The following PPFIBP2 variants were observed in gnomAD, a reference collection of about 807,000 sequenced individuals.
PPFIBP2 encodes PPFIB scaffold protein 2.
Under a neutral mutation model 118.3 loss-of-function variants are expected in PPFIBP2, and 118 were observed. That is an observed-to-expected ratio of 1.00 (90% CI 0.86 to 1.16). The LOEUF (loss-of-function observed/expected upper bound fraction) is 1.16, where lower values mean the gene tolerates loss of function less well. Among genes scored for constraint, PPFIBP2 ranks in the 50% most tolerant of loss-of-function variants. The probability of loss-of-function intolerance (pLI) is 0.00; values close to 1 mark genes in which losing one functional copy is unlikely to be tolerated. For missense variants in PPFIBP2, 1,195 were observed against 1,073.1 expected, an observed-to-expected ratio of 1.11 and a Z score of -1.59; for synonymous variants, 414 against 397.4, an observed-to-expected ratio of 1.04 and a Z score of -0.50.
At chr11:7,665,286 G>C in the PPFIBP2 span, 3 of 1,208,778 alleles carry the variant, frequency 2.5e-6, no homozygotes, top group Non-Finnish European at 3.4e-6. Flanking sequence ...AGGCACTTTT[G>C]AAAACATCCC....
chr11:7,622,785 C>A (rs1216000994), intron 7 of PPFIBP2, among the ~76,000 whole-genome samples: 1 of 152,212 alleles, frequency 6.6e-6, no homozygotes, highest in Non-Finnish European at 1.5e-5. Flanking sequence ...TAGCTCAGAA[C>A]CTTCCATCAC....
rs144112599 is a variant in PPFIBP2 at position 7,605,093 on chromosome 11, T to C, written c.487-5198T>C. 3.2e-3 allele frequency among the ~76,000 whole-genome samples: 488 copies of C among 152,346 alleles called. 3 individuals carry two copies. Among genetic ancestry groups the C allele is most frequent in the African/African-American group, 0.011 (470 of 41,576 alleles). ...TATCCTTTGATGGGTACTTTTTATG[T>C]GCACCTGGAAGTATTCTGAACTAGG... On this transcript the variant is annotated intron_variant, in intron 5 of 23. Coordinates refer to ENST00000299492, the MANE Select transcript of PPFIBP2 (RefSeq NM_003621.5).
At chr11:7,605,651 G>A in intron 5 of PPFIBP2, 2 of 1,153,918 alleles carry the variant, frequency 1.7e-6, no homozygotes, top group Non-Finnish European at 2.2e-6. Context: ...CTCACCTCAA[G>A]GTACAGAGTT....
At chr11:7,577,767 C>T in intron 3 of PPFIBP2, 1 of 416,408 alleles carries the variant, frequency 2.4e-6, no homozygotes, top group Non-Finnish European at 4.8e-6. Context: ...CCTGCTGTGG[C>T]CAAGTTCTTC....
At chr11:7,657,006 G>A (rs751518625), downstream of PPFIBP2, 12 of 356,654 alleles carry the variant, frequency 3.4e-5, no homozygotes, top group East Asian at 5.9e-4. Context: ...ACCATGCTGC[G>A]CTCTTCACCG....
In PPFIBP2 at chr11:7,616,693, G is replaced by A. The variant is rs1848689707; in HGVS notation, c.619-4242G>A. Among the ~76,000 whole-genome samples the A allele has an allele frequency of 6.6e-6, 1 of 152,110 alleles. No individual in the cohort carries two copies. The highest frequency in any genetic ancestry group is 2.4e-5 in the African/African-American group (1 of 41,432). ...GTGTGCCATATGTCCCCTGTGCATAGGTGCTGACACGTTGGGTGTTTGGGT... is the reference window on the plus strand; with the variant it reads ...GTGTGCCATATGTCCCCTGTGCATAAGTGCTGACACGTTGGGTGTTTGGGT... On this transcript the variant is annotated intron_variant, in intron 6 of 23. Coordinates refer to ENST00000299492, the MANE Select transcript of PPFIBP2 (RefSeq NM_003621.5). This position sits in a 1 kb window ranked among gnomAD's most constrained non-coding sequence, Gnocchi z 5.2.
At chr11:7,664,709 G>A in the PPFIBP2 span, among the ~76,000 whole-genome samples, 117 of 152,236 alleles carry the variant, frequency 7.7e-4, 2 homozygotes, top group Non-Finnish European at 7.4e-5. Flanking sequence ...AGTGTGTCCT[G>A]GAGAGATGGG....
In PPFIBP2 at chr11:7,632,854, G is replaced by A. The variant is rs527956153; in HGVS notation, c.1069-13G>A. On this transcript the variant is annotated splice_polypyrimidine_tract_variant and intron_variant, in intron 11 of 23. Transcript: ENST00000299492. ...GACTGTCCTCTACCGTGACTCTTCTGTCTCTGGTGCAGATGCCTCCAAGAT... is the reference window on the plus strand; with the variant it reads ...GACTGTCCTCTACCGTGACTCTTCTATCTCTGGTGCAGATGCCTCCAAGAT... The A allele has an allele frequency of 1.9e-6, 3 of 1,609,550 alleles. No homozygotes were observed. The highest frequency in any genetic ancestry group is 2.2e-5 in the East Asian group (1 of 44,836).
At chr11:7,655,591 G>C, downstream of PPFIBP2, 1 of 1,039,264 alleles carries the variant, frequency 9.6e-7, no homozygotes, top group Non-Finnish European at 1.3e-6. Context: ...AAGGCCTGGG[G>C]GACGGCGAAG....
At chr11:7,663,777 C>G in the PPFIBP2 span, among the ~76,000 whole-genome samples, 3 of 152,112 alleles carry the variant, frequency 2.0e-5, no homozygotes, top group South Asian at 2.1e-4. Context: ...TGATCTCAGA[C>G]TGCTGTGCTA....
intron 6 of PPFIBP2, among the ~76,000 whole-genome samples, chr11:7,617,874 GT>G (rs1483641032): frequency 6.6e-6 from 1 of 152,060 alleles, no homozygotes; most frequent in African/African-American, 2.4e-5. Flanking sequence ...ACAGGGCCAT[GT>G]GGGGCTCTAT....
the PPFIBP2 span, chr11:7,666,015 G>T: frequency 2.9e-5 from 31 of 1,079,354 alleles, no homozygotes; most frequent in Non-Finnish European, 4.0e-5. Context: ...AGTGGTTGCT[G>T]GGATGCTGTC....
At chr11:7,610,196 A>C (rs1287927506) in intron 5 of PPFIBP2, 95 bp from the exon 6 acceptor site, 2 of 1,437,212 alleles carry the variant, frequency 1.4e-6, no homozygotes, top group East Asian at 2.3e-5. Flanking sequence ...TGTTGAACAC[A>C]CAACTTAGGT....
chr11:7,572,968 C>T (rs185968552), intron 3 of PPFIBP2, among the ~76,000 whole-genome samples: 136 of 152,264 alleles, frequency 8.9e-4, no homozygotes, highest in African/African-American at 2.8e-3. Context: ...TTCGTAGAGA[C>T]GGTGTTTCAC....
chr11:7,577,341 G>GCA, intron 3 of PPFIBP2: 1 of 337,204 alleles, frequency 3.0e-6, no homozygotes, highest in Non-Finnish European at 5.9e-6. Context: ...GTGTGTGTGT[G>GCA]TGTGTGTGTG....
intron 2 of PPFIBP2, among the ~76,000 whole-genome samples, chr11:7,563,461 T>C (rs1854581250): frequency 1.3e-5 from 2 of 152,204 alleles, no homozygotes; most frequent in Admixed American, 1.3e-4. Context: ...TGGATGGTGA[T>C]CCATGATTCC....
At chr11:7,656,275 C>T (rs1854679924), downstream of PPFIBP2, among the ~76,000 whole-genome samples, 1 of 152,186 alleles carries the variant, frequency 6.6e-6, no homozygotes, top group Non-Finnish European at 1.5e-5. Flanking sequence ...GCTATAGTGT[C>T]TGTCCCCATC....
intron 2 of PPFIBP2, among the ~76,000 whole-genome samples, chr11:7,565,016 A>G (rs4132104): frequency 0.22 from 24,874 of 113,528 alleles, 2,604 homozygotes; most frequent in Non-Finnish European, 0.3. Context: ...TGACTTTAAT[A>G]TAAAGAAAAA....
chr11:7,562,837 CTT>C (rs1210863503), intron 2 of PPFIBP2, among the ~76,000 whole-genome samples: 2 of 149,198 alleles, frequency 1.3e-5, no homozygotes, highest in African/African-American at 4.9e-5. Flanking sequence ...AAATATTTAT[CTT>C]TTCACTTCCC....
Sources: allele counts gnomAD v4.1 joint callset (sites outside exome capture counted in the v4.1 genomes callset), GRCh38; gene constraint gnomAD v4.1.1; non-coding constraint Gnocchi (gnomAD v3.1); transcripts MANE v1.5; gene names NCBI Gene and HGNC (gene_info 2026-07-23, HGNC 2026-07-21).